Variants in FAF1 observed in about 807,000 individuals in gnomAD.
The protein encoded by FAF1 is Fas associated factor 1.
FAF1 carries 25 observed loss-of-function variants against 92.5 expected under a neutral mutation model. That is an observed-to-expected ratio of 0.27 (90% CI 0.20 to 0.38). The LOEUF (loss-of-function observed/expected upper bound fraction) is 0.38. FAF1 is among the 10% of genes least tolerant of loss of function. The pLI, the probability that FAF1 is intolerant of heterozygous loss-of-function variation, is 1.00. For missense variants in FAF1, 636 were observed against 793.3 expected (o/e 0.80, Z 2.38); for synonymous variants, 234 against 273.2 (o/e 0.86, Z 1.42).
At chr1:50,921,762 T>C (rs981345065) in intron 1 of FAF1, among the ~76,000 whole-genome samples, 10 of 150,400 alleles carry the variant, frequency 6.6e-5, no homozygotes, top group East Asian at 3.9e-4. Flanking sequence ...GCCTGGGAAA[T>C]AGAGCAAAGA....
intron 6 of FAF1, among the ~76,000 whole-genome samples, chr1:50,713,780 T>C (rs1247413295): frequency 1.3e-5 from 2 of 148,944 alleles, no homozygotes. Context: ...AAGCTTTTTT[T>C]TTTTTTTTTT....
At chr1:50,916,569 G>A (rs186265102) in intron 1 of FAF1, among the ~76,000 whole-genome samples, 1 of 152,104 alleles carries the variant, frequency 6.6e-6, no homozygotes, top group African/African-American at 2.4e-5. Context: ...CTCTCTAAAC[G>A]TAGAAACAAA....
At chr1:50,673,551 G>A (rs558138805) in intron 7 of FAF1, among the ~76,000 whole-genome samples, 127 of 152,144 alleles carry the variant, frequency 8.3e-4, no homozygotes, top group African/African-American at 2.8e-3. Flanking sequence ...GAGTGAGGGC[G>A]GAAGGAAACA....
chr1:50,512,576 C>G (rs1238758140), intron 15 of FAF1, among the ~76,000 whole-genome samples: 3 of 152,132 alleles, frequency 2.0e-5, no homozygotes, highest in East Asian at 1.9e-4. Flanking sequence ...GGCCACTGTT[C>G]TGTTCCATTG....
At chr1:50,895,968 C>A (rs1306153819) in intron 1 of FAF1, among the ~76,000 whole-genome samples, 1 of 152,152 alleles carries the variant, frequency 6.6e-6, no homozygotes, top group Admixed American at 6.5e-5. Flanking sequence ...AACTAAAAGT[C>A]TTTCTTCTAA....
chr1:50,891,959 G>C (rs1255731026), intron 1 of FAF1, among the ~76,000 whole-genome samples: 1 of 152,210 alleles, frequency 6.6e-6, no homozygotes, highest in East Asian at 1.9e-4. Flanking sequence ...CCCAGAGGTG[G>C]AGTCTACAGA....
intron 1 of FAF1, among the ~76,000 whole-genome samples, chr1:50,916,070 C>A (rs934247531): frequency 1.3e-5 from 2 of 152,132 alleles, no homozygotes; most frequent in African/African-American, 4.8e-5. Flanking sequence ...TTTTTCAGTA[C>A]ATACTCTTAA....
intron 7 of FAF1, among the ~76,000 whole-genome samples, chr1:50,659,271 AG>A (rs1655267211): frequency 6.6e-6 from 1 of 151,900 alleles, no homozygotes; most frequent in Non-Finnish European, 1.5e-5. Context: ...AGGGAGAAGA[AG>A]GGGAAAAGGG....
intron 1 of FAF1, among the ~76,000 whole-genome samples, chr1:50,890,362 T>C (rs558291382): frequency 1.2e-4 from 18 of 152,300 alleles, no homozygotes; most frequent in Non-Finnish European, 1.2e-4. Context: ...CCCATTTACA[T>C]TTAAGGTTAA....
chr1:50,877,725 T>TCCTCATTC (rs1467260589), intron 1 of FAF1, among the ~76,000 whole-genome samples: 1 of 152,136 alleles, frequency 6.6e-6, no homozygotes, highest in African/African-American at 2.4e-5. Context: ...AAGAAATGCT[T>TCCTCATTC]CCTCATTCTA....
intron 7 of FAF1, among the ~76,000 whole-genome samples, chr1:50,669,459 T>C (rs1655773063): frequency 6.6e-6 from 1 of 152,196 alleles, no homozygotes. Flanking sequence ...TTGACTGTAT[T>C]GATCACAGAA....
chr1:50,822,763 T>A (rs145376218), intron 2 of FAF1, among the ~76,000 whole-genome samples: 4,269 of 146,534 alleles, frequency 0.029, 238 homozygotes, highest in African/African-American at 0.11. Flanking sequence ...TCTTTCTTTC[T>A]TTCTTTCTTT....
At chr1:50,619,103 C>T (rs1165604563) in intron 8 of FAF1, among the ~76,000 whole-genome samples, 1 of 152,174 alleles carries the variant, frequency 6.6e-6, no homozygotes, top group African/African-American at 2.4e-5. Context: ...CTTTCTCCAT[C>T]CCTTTACTTT....
intron 8 of FAF1, among the ~76,000 whole-genome samples, chr1:50,637,676 T>C (rs1569642107): frequency 8.5e-6 from 1 of 117,222 alleles, no homozygotes; most frequent in Non-Finnish European, 1.9e-5. Flanking sequence ...CTCACACATA[T>C]ATATATGTGT....
chr1:50,824,030 G>C (rs2124623659), intron 2 of FAF1, among the ~76,000 whole-genome samples: 1 of 152,184 alleles, frequency 6.6e-6, no homozygotes, highest in South Asian at 2.1e-4. Context: ...AATTATAAAG[G>C]AGACTAAATC....
chr1:50,753,020 G>C (rs1659930312), intron 4 of FAF1, among the ~76,000 whole-genome samples: 1 of 152,228 alleles, frequency 6.6e-6, no homozygotes, highest in East Asian at 1.9e-4. Flanking sequence ...GCTTCATTAA[G>C]ATGTGTTTAA....
chr1:50,812,528 A>G (rs1643926207), intron 2 of FAF1, among the ~76,000 whole-genome samples: 1 of 152,120 alleles, frequency 6.6e-6, no homozygotes, highest in South Asian at 2.1e-4. Context: ...AAGAGAAACC[A>G]TCTCATATCA....
At chr1:50,492,032 A>G (rs1362000354) in intron 15 of FAF1, among the ~76,000 whole-genome samples, 6 of 152,206 alleles carry the variant, frequency 3.9e-5, no homozygotes, top group African/African-American at 1.4e-4. Context: ...GTGACCTTGT[A>G]TAAGTTATTT....
At chr1:50,728,069 A>T (rs1241808000) in intron 6 of FAF1, among the ~76,000 whole-genome samples, 1 of 152,158 alleles carries the variant, frequency 6.6e-6, no homozygotes, top group Non-Finnish European at 1.5e-5. Context: ...GCGTATATAC[A>T]TATATCCTAT....
Sources: allele counts gnomAD v4.1 joint callset (sites outside exome capture counted in the v4.1 genomes callset), GRCh38; gene constraint gnomAD v4.1.1; transcripts MANE v1.5; gene names NCBI Gene and HGNC (gene_info 2026-07-23, HGNC 2026-07-21).